The following IMMP2L variants were observed in gnomAD, a reference collection of about 807,000 sequenced individuals.
IMMP2L encodes inner mitochondrial membrane peptidase subunit 2, also known as mitochondrial inner membrane protease subunit 2.
Under a neutral mutation model 19.3 loss-of-function variants are expected in IMMP2L, and 18 were observed. The ratio of observed to expected loss-of-function variants is 0.93; its 90% confidence interval spans 0.64 to 1.38. The LOEUF (loss-of-function observed/expected upper bound fraction) is 1.38. IMMP2L is among the 40% of genes most tolerant of loss of function. The pLI is 0.00. For missense variants in IMMP2L, 233 were observed against 218.2 expected (o/e 1.07, Z -0.43); for synonymous variants, 76 against 73.0 (o/e 1.04, Z -0.21).
chr7:110,738,246 G>C (rs554716471), intron 5 of IMMP2L, among the ~76,000 whole-genome samples: 6 of 152,302 alleles, frequency 3.9e-5, no homozygotes, highest in African/African-American at 1.4e-4. Flanking sequence ...TCAAAAGGTT[G>C]ATTATTAAGC....
chr7:111,142,353 A>AAGGAAAGAAAGG (rs1803023203), intron 3 of IMMP2L, among the ~76,000 whole-genome samples: 1 of 5,050 alleles, frequency 2.0e-4, no homozygotes, highest in African/African-American at 3.2e-4. Context: ...AGAAAGAAAG[A>AAGGAAAGAAAGG]AAGAAAGAAA....
intron 4 of IMMP2L, chr7:110,962,711 A>T (rs1419262310): frequency 9.9e-7 from 1 of 1,009,054 alleles, no homozygotes; most frequent in Non-Finnish European, 1.2e-6. Context: ...TCTGCTCTAA[A>T]ACTGACTGAG....
chr7:111,214,810 G>C (rs1229897112), intron 3 of IMMP2L, among the ~76,000 whole-genome samples: 1 of 151,078 alleles, frequency 6.6e-6, no homozygotes, highest in African/African-American at 2.4e-5. Flanking sequence ...GAGAGAGATA[G>C]AGATTAAAGT....
chr7:110,766,184 T>C (rs1422400651), intron 5 of IMMP2L, among the ~76,000 whole-genome samples: 1 of 152,222 alleles, frequency 6.6e-6, no homozygotes, highest in Non-Finnish European at 1.5e-5. Flanking sequence ...TTTATTTAAA[T>C]AGTTTAATTG....
chr7:110,892,541 T>A (rs1810913922), intron 4 of IMMP2L, among the ~76,000 whole-genome samples: 1 of 152,112 alleles, frequency 6.6e-6, no homozygotes, highest in Non-Finnish European at 1.5e-5. Flanking sequence ...TTTCAGTCAA[T>A]TTTCAGAGGG....
rs561366769 is a variant in IMMP2L at position 110,676,687 on chromosome 7, G to T, written c.409-12966C>A. On this transcript the variant is annotated intron_variant, in intron 5 of 5. Coordinates refer to ENST00000405709, the MANE Select transcript of IMMP2L (RefSeq NM_032549.4). ...AGAAAACAGTATTAAGTAACAGGAG[G>T]GTTTCCATAATCACTGATGATATAC... Among the ~76,000 whole-genome samples the T allele has an allele frequency of 6.7e-4, 102 of 152,210 alleles. 2 individuals are homozygous for T. The South Asian group carries it at 7.7e-3, about 11-fold the overall frequency.
intron 3 of IMMP2L, among the ~76,000 whole-genome samples, chr7:111,475,147 TATTA>T (rs765955416): frequency 7.9e-5 from 12 of 152,184 alleles, no homozygotes; most frequent in Admixed American, 3.9e-4. Context: ...CATCAGTAAG[TATTA>T]ATGTAACCTC....
In IMMP2L at chr7:110,718,836, A is replaced by C. The variant is rs531953324; in HGVS notation, c.409-55115T>G. ...GTGCTTACCTGAAATAGCCAGAAGCAGCAAGAGCTAGAAGATACCTTTGAG... is the reference window on the plus strand; with the variant it reads ...GTGCTTACCTGAAATAGCCAGAAGCCGCAAGAGCTAGAAGATACCTTTGAG... On this transcript the variant is annotated intron_variant, in intron 5 of 5. Transcript: ENST00000405709. 2.6e-4 allele frequency among the ~76,000 whole-genome samples: 39 copies of C among 152,340 alleles called. 1 individual carries two copies. Among genetic ancestry groups the C allele is most frequent in the African/African-American group, 8.7e-4 (36 of 41,580 alleles).
chr7:111,103,152 C>T (rs1260437906), intron 3 of IMMP2L, among the ~76,000 whole-genome samples: 3 of 151,484 alleles, frequency 2.0e-5, no homozygotes, highest in Admixed American at 2.0e-4. Context: ...ACTTTGTTTC[C>T]TGCAAAATGT....
chr7:110,826,747 T>TTA (rs1169675966), intron 5 of IMMP2L, among the ~76,000 whole-genome samples: 4 of 151,976 alleles, frequency 2.6e-5, no homozygotes, highest in African/African-American at 9.7e-5. Context: ...AATGACGACT[T>TTA]AATGTGTGCA....
At chr7:111,376,207 G>A (rs1370423033) in intron 3 of IMMP2L, among the ~76,000 whole-genome samples, 3 of 151,942 alleles carry the variant, frequency 2.0e-5, no homozygotes, top group Non-Finnish European at 2.9e-5. Context: ...AAACAAATCT[G>A]ACAAGTTTTT....
intron 3 of IMMP2L, among the ~76,000 whole-genome samples, chr7:111,210,794 A>T (rs1335652533): frequency 6.6e-6 from 1 of 152,170 alleles, no homozygotes; most frequent in Non-Finnish European, 1.5e-5. Flanking sequence ...ACAAAGAGTA[A>T]TCTTTTTCTG....
chr7:111,137,633 A>G (rs1028801618), intron 3 of IMMP2L, among the ~76,000 whole-genome samples: 1 of 152,348 alleles, frequency 6.6e-6, no homozygotes, highest in African/African-American at 2.4e-5. Context: ...TACTACTTCA[A>G]TGCTCTGAAT....
chr7:111,030,864 G>A (rs1309338228), intron 3 of IMMP2L, among the ~76,000 whole-genome samples: 3 of 69,502 alleles, frequency 4.3e-5, no homozygotes, highest in Non-Finnish European at 6.8e-5. Context: ...ACATATGTGT[G>A]TGTATGTGTG....
At position 111,472,652 on chromosome 7, in the gene IMMP2L, A is replaced by T. The variant is rs182620654; in HGVS notation, c.239+14586T>A. On this transcript the variant is annotated intron_variant, in intron 3 of 5. Coordinates refer to ENST00000405709, the MANE Select transcript of IMMP2L (RefSeq NM_032549.4). ...TCATTAAGAAAAGACACAATTATTT[A>T]AAAAATTAGTCTTTTCATGCTAACT... is the stretch of plus-strand genomic sequence containing the variant. Among the ~76,000 whole-genome samples the T allele has an allele frequency of 4.8e-3, 729 of 152,344 alleles. 5 individuals carry two copies. The highest frequency in any genetic ancestry group is 0.017 in the African/African-American group (692 of 41,584).
At chr7:111,305,338 A>AT (rs35829099) in intron 3 of IMMP2L, among the ~76,000 whole-genome samples, 2 of 151,930 alleles carry the variant, frequency 1.3e-5, no homozygotes, top group East Asian at 1.9e-4. Flanking sequence ...AGTGCTAAAT[A>AT]TTTTTTTTGA....
chr7:111,360,797 G>A (rs1214052754), intron 3 of IMMP2L, among the ~76,000 whole-genome samples: 2 of 152,036 alleles, frequency 1.3e-5, no homozygotes, highest in African/African-American at 2.4e-5. Flanking sequence ...TAGCCTGGGC[G>A]ACAGAGCGAT....
Position 111,443,579 on chromosome 7 carries a change from C to T in IMMP2L, c.239+43659G>A, listed in dbSNP as rs142822771. Reference sequence around the variant, plus strand: ...GGGGACATCCTAGTGTGCTGCTTTACATTTCTTCCCAGTCCAGACTGCACA... The same window carrying T: ...GGGGACATCCTAGTGTGCTGCTTTATATTTCTTCCCAGTCCAGACTGCACA... On this transcript the variant is annotated intron_variant, in intron 3 of 5. Coordinates refer to ENST00000405709, the MANE Select transcript of IMMP2L (RefSeq NM_032549.4). 1.8e-4 allele frequency among the ~76,000 whole-genome samples: 28 copies of T among 152,326 alleles called. No homozygotes were observed. The East Asian group carries it at 5.2e-3, about 28-fold the overall frequency.
At chr7:111,431,413 A>G (rs1836619941) in intron 3 of IMMP2L, among the ~76,000 whole-genome samples, 1 of 151,892 alleles carries the variant, frequency 6.6e-6, no homozygotes, top group Non-Finnish European at 1.5e-5. Flanking sequence ...AGTATTTTAC[A>G]CATTCCTTTT....
Sources: gnomAD v4.1 joint callset for allele counts (sites outside exome capture counted in the v4.1 genomes callset) on GRCh38, gnomAD v4.1.1 for gene constraint, MANE v1.5 for transcripts, NCBI Gene and HGNC (gene_info 2026-07-23, HGNC 2026-07-21) for gene names.